Variants in LETM1 observed in about 807,000 individuals in gnomAD.
LETM1 encodes the protein mitochondrial proton/calcium exchanger protein.
In LETM1, 50 loss-of-function variants were observed where a neutral mutation model predicts 74.5. That is an observed-to-expected ratio of 0.67 (90% CI 0.53 to 0.85). The LOEUF (loss-of-function observed/expected upper bound fraction) is 0.85. LETM1 is among the 40% of genes least tolerant of loss of function. The pLI is 0.00. For missense variants in LETM1, 824 were observed against 967.8 expected (o/e 0.85, Z 1.97); for synonymous variants, 446 against 407.1 (o/e 1.10, Z -1.15).
At chr4:1,844,885 A>AG in intron 2 of LETM1, among the ~76,000 whole-genome samples, 1 of 133,308 alleles carries the variant, frequency 7.5e-6, no homozygotes, top group Non-Finnish European at 1.5e-5. Flanking sequence ...CTGTCTCTAC[A>AG]GAAAAAAAAA....
Position 1,836,544 on chromosome 4 carries a change from C to T in LETM1, c.623G>A (p.Arg208His), listed in dbSNP as rs201510306. Residue 208 changes from arginine to histidine, a missense_variant, in exon 4 of 14, where the codon CGC becomes CAC. This residue lies in a region of LETM1 where 269 missense variants were observed against 348.8 expected (regional missense o/e 0.77). Coordinates refer to ENST00000302787, the MANE Select transcript of LETM1 (RefSeq NM_012318.3). The surrounding 1 kb of genome is among the most constrained non-coding windows in gnomAD (Gnocchi z 5.8). The part of the protein sequence containing the change: ...QFLRICADLF[R>H]LVPFLVFVVV... ...CACGAACACAAGGAACGGCACCAGG[C>T]GGAAGAGGTCAGCGCAGATCCGGAG... 2.5e-6 allele frequency: 4 copies of T among 1,613,800 alleles called. No individual in the cohort carries two copies. The highest frequency in any genetic ancestry group is 1.3e-5 in the African/African-American group (1 of 74,922).
chr4:1,838,695 A>C (rs772063089), intron 3 of LETM1, among the ~76,000 whole-genome samples: 1 of 152,162 alleles, frequency 6.6e-6, no homozygotes, highest in Non-Finnish European at 1.5e-5. Context: ...AAAATAAGTA[A>C]ATAAATAGTA....
chr4:1,828,805 A>G (rs1210056744), intron 6 of LETM1, among the ~76,000 whole-genome samples: 5 of 76,568 alleles, frequency 6.5e-5, no homozygotes, highest in African/African-American at 1.6e-4. Flanking sequence ...CTGGCCGGGC[A>G]GGGGGGCTGA....
intron 11 of LETM1, among the ~76,000 whole-genome samples, chr4:1,818,608 G>A (rs996030512): frequency 6.7e-5 from 10 of 149,560 alleles, no homozygotes; most frequent in South Asian, 2.1e-4. Flanking sequence ...GCTAGACTTC[G>A]TCTCAAAAAA....
rs780025104 is a variant in LETM1, at chr4:1,832,857, G to A, written c.967C>T (p.Arg323Trp). The change falls in exon 6 of 14, where the codon CGG becomes TGG. Residue 323 changes from arginine (R) to tryptophan (W), a missense_variant. Transcript: ENST00000302787. ...TTGCACAGGGCCACCAGCTGCGGCCGTGTCAGGTTGTCCAGGGTCAGCTCA... is the reference window on the plus strand; with the variant it reads ...TTGCACAGGGCCACCAGCTGCGGCCATGTCAGGTTGTCCAGGGTCAGCTCA... Reference protein sequence around the residue: ...EDELTLDNLTRPQLVALCKLL... With the variant: ...EDELTLDNLTWPQLVALCKLL... 15 of 1,613,942 alleles carry A rather than the reference G, an allele frequency of 9.3e-6. No individual in the cohort carries two copies. The highest frequency in any genetic ancestry group is 2.2e-5 in the South Asian group (2 of 91,062).
At chr4:1,821,157 T>C (rs1211591263) in intron 10 of LETM1, among the ~76,000 whole-genome samples, 2 of 149,958 alleles carry the variant, frequency 1.3e-5, no homozygotes, top group East Asian at 2.0e-4. Context: ...AGAGTCTCAC[T>C]CTGTCACCCA....
rs138521283 is a variant in LETM1 at position 1,839,059 on chromosome 4, T to C, written c.594+2288A>G. 5.3e-5 allele frequency among the ~76,000 whole-genome samples: 8 copies of C among 152,292 alleles called. No homozygotes were observed. The East Asian group carries it at 1.5e-3, about 29-fold the overall frequency. ...TGGTGGCTGCATTAAACAAGATTAC[T>C]TCAGCTGAAAAGAGAATGAATAAAA... is the stretch of plus-strand genomic sequence containing the variant. On this transcript the variant is annotated intron_variant, in intron 3 of 13. Coordinates refer to ENST00000302787, the MANE Select transcript of LETM1 (RefSeq NM_012318.3).
intron 2 of LETM1, among the ~76,000 whole-genome samples, chr4:1,842,530 T>C (rs1223786634): frequency 6.6e-6 from 1 of 152,168 alleles, no homozygotes; most frequent in African/African-American, 2.4e-5. Flanking sequence ...CAGTGCTGCC[T>C]CCTAGCGGGT....
At chr4:1,849,301 T>A in intron 1 of LETM1, 92 bp from the exon 2 acceptor site, 2 of 897,048 alleles carry the variant, frequency 2.2e-6, no homozygotes, top group Non-Finnish European at 3.6e-6. Flanking sequence ...GTTTCGCTCT[T>A]GCGCCCAGGC....
At position 1,836,947 on chromosome 4, in the gene LETM1, T is replaced by C. The variant is rs1192429394; in HGVS notation, c.595-375A>G. Among the ~76,000 whole-genome samples the C allele has an allele frequency of 6.6e-6, 1 of 152,200 alleles. No individual in the cohort carries two copies. The highest frequency in any genetic ancestry group is 2.1e-4 in the South Asian group (1 of 4,830). Reference sequence around the variant, plus strand: ...GTGGTGGAGAGTCACCAGGATAGGCTGAGCCACACCTTCTCTTGGAGGGTG... The same window carrying C: ...GTGGTGGAGAGTCACCAGGATAGGCCGAGCCACACCTTCTCTTGGAGGGTG... On this transcript the variant is annotated intron_variant, in intron 3 of 13. Transcript: ENST00000302787. The surrounding 1 kb of genome is among the most constrained non-coding windows in gnomAD (Gnocchi z 5.8).
In LETM1 at chr4:1,832,777, G is replaced by C; in HGVS notation, c.1047C>G (p.Thr349=). ...CTGCCTTTATGGAGCGCAGCCGCATGGTAAGCTGGAAGCGCAGGAAGTTGT... is the reference window on the plus strand; with the variant it reads ...CTGCCTTTATGGAGCGCAGCCGCATCGTAAGCTGGAAGCGCAGGAAGTTGT... ...GTNNFLRFQL[T]MRLRSIKADD... is the part of the protein sequence containing the mutation. Residue 349 remains threonine, a synonymous_variant, in exon 6 of 14, where the codon ACC becomes ACG. Transcript: ENST00000302787. The C allele has an allele frequency of 6.2e-7, 1 of 1,614,222 alleles. No individual in the cohort carries two copies. The highest frequency in any genetic ancestry group is 8.5e-7 in the Non-Finnish European group (1 of 1,180,038).
intron 2 of LETM1, among the ~76,000 whole-genome samples, chr4:1,844,737 G>C (rs1712819171): frequency 6.6e-6 from 1 of 151,070 alleles, no homozygotes; most frequent in Non-Finnish European, 1.5e-5. Flanking sequence ...GACAGAGTGA[G>C]ACTGTCTTAA....
In LETM1 at chr4:1,856,018, C is replaced by T. The variant is rs1311185362; in HGVS notation, c.-68G>A. The stretch of plus-strand genomic sequence containing the variant: ...CTTCTCCGCGGCGGCCGCGGCTCTT[C>T]GCCGTCCCGGCGGCGCTTCAGACCC... On this transcript the variant is annotated 5_prime_UTR_variant, in exon 1 of 14. Coordinates refer to ENST00000302787, the MANE Select transcript of LETM1 (RefSeq NM_012318.3). The T allele has an allele frequency of 8.6e-6, 9 of 1,051,720 alleles. No individual in the cohort carries two copies. The South Asian group carries it at 3.4e-4, about 39-fold the overall frequency. The allele number at this position is 1,051,720 out of a possible 1,614,324, so 65.1% of individuals were successfully genotyped here.
chr4:1,844,886 GA>G (rs971183682), intron 2 of LETM1, among the ~76,000 whole-genome samples: 5,228 of 51,112 alleles, frequency 0.1, 221 homozygotes, highest in African/African-American at 0.26. Context: ...TGTCTCTACA[GA>G]AAAAAAAAAA....
Position 1,834,714 on chromosome 4 carries a change from C to A in LETM1, c.876+131G>T. The stretch of plus-strand genomic sequence containing the variant: ...ACACTCCACTGGCCCCCGACTGAGC[C>A]TCCTGGGTAAACTTTCAAGCGCCAG... On this transcript the variant is annotated intron_variant, in intron 5 of 13. Transcript: ENST00000302787. The surrounding 1 kb of genome is among the most constrained non-coding windows in gnomAD (Gnocchi z 5.0). The A allele has an allele frequency of 6.6e-7, 1 of 1,514,010 alleles. No homozygotes were observed. Among genetic ancestry groups the A allele is most frequent in the South Asian group, 1.3e-5 (1 of 75,654 alleles). 93.8% of individuals were successfully genotyped at this position (1,514,010 alleles called of 1,614,324 possible).
intron 8 of LETM1, 59 bp downstream of exon 8, chr4:1,823,585 C>G: frequency 1.9e-6 from 3 of 1,605,008 alleles, no homozygotes; most frequent in South Asian, 1.1e-5. Flanking sequence ...CCCCCCACCC[C>G]AGAAGAGCGG....
At chr4:1,853,341 G>A (rs1317163692) in intron 1 of LETM1, among the ~76,000 whole-genome samples, 2 of 152,182 alleles carry the variant, frequency 1.3e-5, no homozygotes, top group Non-Finnish European at 2.9e-5. Flanking sequence ...AAGAGTAACT[G>A]GGCAGTGAAA....
At chr4:1,838,072 C>G (rs1712516566) in intron 3 of LETM1, among the ~76,000 whole-genome samples, 1 of 152,030 alleles carries the variant, frequency 6.6e-6, no homozygotes, top group South Asian at 2.1e-4. Flanking sequence ...TTTTAGAGCA[C>G]ATTTCAGTGC....
intron 6 of LETM1, among the ~76,000 whole-genome samples, chr4:1,828,755 C>T (rs542993505): frequency 3.0e-4 from 40 of 133,576 alleles, no homozygotes; most frequent in African/African-American, 7.5e-4. Context: ...CCAGCAGGGG[C>T]GGCCGGGCAG....
Sources: gnomAD v4.1 joint callset for allele counts (sites outside exome capture counted in the v4.1 genomes callset) on GRCh38, gnomAD v4.1.1 for gene constraint, gnomAD v4.1.1 regional missense constraint, Gnocchi (gnomAD v3.1) non-coding constraint, MANE v1.5 for transcripts, NCBI Gene and HGNC (gene_info 2026-07-23, HGNC 2026-07-21) for gene names.